The following PKHD1L1 variants were observed in gnomAD, a reference collection of about 807,000 sequenced individuals.
PKHD1L1 encodes the protein PKHD1 like 1, also known as fibrocystin-L.
In PKHD1L1, 434 loss-of-function variants were observed where a neutral mutation model predicts 462.9. The observed-to-expected ratio is 0.94, with a 90% CI of 0.87 to 1.02. The LOEUF (loss-of-function observed/expected upper bound fraction) is 1.02. Ranked by LOEUF, PKHD1L1 falls within the 50% of genes least tolerant of loss-of-function variation. The pLI, the probability that PKHD1L1 is intolerant of heterozygous loss-of-function variation, is 0.00. For missense variants in PKHD1L1, 5,202 were observed against 5,096.1 expected (o/e 1.02, Z -0.63); for synonymous variants, 1,781 against 1,750.0 (o/e 1.02, Z -0.44).
intron 76 of PKHD1L1, among the ~76,000 whole-genome samples, chr8:109,525,316 A>G (rs140243303): frequency 2.2e-4 from 33 of 152,356 alleles, no homozygotes; most frequent in Admixed American, 6.5e-4. Flanking sequence ...ACCAACCTAG[A>G]TAAGGAGAAT....
In PKHD1L1 at chr8:109,445,108, A is replaced by G. The variant is rs1816052114; in HGVS notation, c.5239A>G (p.Ile1747Val). 1.9e-6 allele frequency: 3 copies of G among 1,613,880 alleles called. No homozygotes were observed. Among genetic ancestry groups the G allele is most frequent in the Non-Finnish European group, 2.5e-6 (3 of 1,179,902 alleles). Residue 1747 changes from isoleucine to valine, a missense_variant, in exon 38 of 78, where the codon ATC becomes GTC. Physicochemically the swap from Ile to Val is conservative, Grantham distance 29. Coordinates refer to ENST00000378402, the MANE Select transcript of PKHD1L1 (RefSeq NM_177531.6). ...GNCTFSYLES[I>V]TPYITGVFPN... ...CTGCACCTTTTCATACTTAGAAAGC[A>G]TCACTCCTTACATAACAGGAGTCTT... is the stretch of plus-strand genomic sequence containing the variant.
chr8:109,492,391 C>A (rs1013024968), intron 62 of PKHD1L1, among the ~76,000 whole-genome samples: 1 of 151,766 alleles, frequency 6.6e-6, no homozygotes, highest in East Asian at 1.9e-4. Flanking sequence ...TAATTGGAAC[C>A]TTCTTGTTTC....
rs535831637 is a variant in PKHD1L1 at position 109,475,802 on chromosome 8, C to T, written c.8757+533C>T. ...GGCAGAGGTTGCAGTGAACCAAGATCGCCCCACTGTACTCCAGCCTGGGCG... is the reference window on the plus strand; with the variant it reads ...GGCAGAGGTTGCAGTGAACCAAGATTGCCCCACTGTACTCCAGCCTGGGCG... On this transcript the variant is annotated intron_variant, in intron 51 of 77. Transcript: ENST00000378402. Among the ~76,000 whole-genome samples, 169 of 149,302 alleles carry T rather than the reference C, an allele frequency of 1.1e-3. 1 individual carries two copies. In the South Asian group the frequency reaches 0.014, roughly 12 times the overall value.
Position 109,466,676 on chromosome 8 carries a change from T to C in PKHD1L1, c.8512T>C (p.Cys2838Arg), listed in dbSNP as rs1314579051. Reference sequence around the variant, plus strand: ...GAGCATTGGGTTCCCTGGATCAGTCTGTGATGCTTCAGTCAGCTTTCACCG... The same window carrying C: ...GAGCATTGGGTTCCCTGGATCAGTCCGTGATGCTTCAGTCAGCTTTCACCG... ...EWSIGFPGSVCDASVSFHRLA... is the reference protein window; with the variant it reads ...EWSIGFPGSVRDASVSFHRLA... The change falls in exon 50 of 78, where the codon TGT becomes CGT. Residue 2838 changes from cysteine to arginine, a missense_variant. Physicochemically the swap from Cys to Arg is radical, Grantham distance 180. This residue lies in a region of PKHD1L1 where 4,497 missense variants were observed against 4,336.8 expected (regional missense o/e 1.04). Coordinates refer to ENST00000378402, the MANE Select transcript of PKHD1L1 (RefSeq NM_177531.6). 1 of 1,612,222 alleles carries C rather than the reference T, an allele frequency of 6.2e-7. No individual in the cohort carries two copies. Among genetic ancestry groups the C allele is most frequent in the African/African-American group, 1.3e-5 (1 of 74,900 alleles).
intron 18 of PKHD1L1, 61 bp downstream of exon 18, chr8:109,408,267 G>A: frequency 6.9e-7 from 1 of 1,439,362 alleles, no homozygotes; most frequent in Non-Finnish European, 9.4e-7. Context: ...TCATTCATGG[G>A]CCATTTGTAG....
At chr8:109,425,323 CTACT>C in intron 24 of PKHD1L1, 91 bp downstream of exon 24, 3 of 897,944 alleles carry the variant, frequency 3.3e-6, no homozygotes, top group Non-Finnish European at 4.6e-6. Context: ...TTGAGAATTA[CTACT>C]TATTGATACA....
At chr8:109,528,226 G>GA (rs1820912460) in intron 77 of PKHD1L1, among the ~76,000 whole-genome samples, 1 of 151,916 alleles carries the variant, frequency 6.6e-6, no homozygotes, top group Non-Finnish European at 1.5e-5. Flanking sequence ...TAGGAGCAAG[G>GA]AAAAAATGGC....
intron 50 of PKHD1L1, among the ~76,000 whole-genome samples, chr8:109,474,419 T>C (rs1016968540): frequency 6.6e-6 from 1 of 152,188 alleles, no homozygotes; most frequent in Admixed American, 6.6e-5. Context: ...ACCAAAGCAT[T>C]ACTAAATTAT....
chr8:109,380,604 A>G (rs1812061589), intron 2 of PKHD1L1, among the ~76,000 whole-genome samples: 1 of 152,186 alleles, frequency 6.6e-6, no homozygotes, highest in Non-Finnish European at 1.5e-5. Context: ...ACCCTCAACC[A>G]ATGGGGACCA....
At chr8:109,454,138 G>T in intron 43 of PKHD1L1, 29 bp from the exon 44 acceptor site, 1 of 1,451,578 alleles carries the variant, frequency 6.9e-7, no homozygotes. Flanking sequence ...TTTTCCTTGT[G>T]ATGTATTTCA....
In PKHD1L1 at chr8:109,507,748, G is replaced by T. The variant is rs2130977432; in HGVS notation, c.11080G>T (p.Gly3694Trp). 6.2e-7 allele frequency: 1 copy of T among 1,613,416 alleles called. No individual in the cohort carries two copies. The highest frequency in any genetic ancestry group is 2.2e-5 in the East Asian group (1 of 44,828). The change falls in exon 69 of 78, where the codon GGG becomes TGG. Residue 3694 changes from glycine to tryptophan, a missense_variant. By Grantham distance (184) the Gly-to-Trp change is radical. Coordinates refer to ENST00000378402, the MANE Select transcript of PKHD1L1 (RefSeq NM_177531.6). The stretch of plus-strand genomic sequence containing the variant: ...TAGAGACATAGATGGCTCCTTTCTG[G>T]GGAATGCTGGTTCTGTGATACCTCA... ...FLRDIDGSFL[G>W]NAGSVIPQAE...
chr8:109,429,738 G>A (rs543210055), intron 26 of PKHD1L1, among the ~76,000 whole-genome samples, 194 bp from the exon 27 acceptor site: 3 of 152,180 alleles, frequency 2.0e-5, no homozygotes, highest in South Asian at 4.1e-4. Context: ...TAAAGATGAA[G>A]AAATTAAAGT....
At chr8:109,479,660 G>A in intron 54 of PKHD1L1, 21 bp downstream of exon 54, 2 of 1,379,514 alleles carry the variant, frequency 1.4e-6, no homozygotes, top group East Asian at 2.4e-5. Flanking sequence ...AAACACAAAT[G>A]AATGAAATGT....
intron 36 of PKHD1L1, 100 bp downstream of exon 36, chr8:109,443,216 T>C: frequency 8.8e-7 from 1 of 1,135,210 alleles, no homozygotes; most frequent in Non-Finnish European, 1.3e-6. Flanking sequence ...ACTGTGCTTC[T>C]ATCTTACTAG....
intron 9 of PKHD1L1, among the ~76,000 whole-genome samples, chr8:109,391,031 C>A (rs928445893): frequency 2.0e-5 from 3 of 152,130 alleles, no homozygotes; most frequent in Non-Finnish European, 4.4e-5. Context: ...TAAGAAAGAT[C>A]ATCATACATT....
chr8:109,440,339 A>C (rs376096089), intron 32 of PKHD1L1, among the ~76,000 whole-genome samples: 85 of 152,264 alleles, frequency 5.6e-4, no homozygotes, highest in African/African-American at 2.0e-3. Flanking sequence ...TTTAATTGCT[A>C]GTTTTAAAGC....
intron 31 of PKHD1L1, 148 bp downstream of exon 31, chr8:109,438,604 TTAATC>T (rs1815578652): frequency 1.1e-5 from 8 of 703,360 alleles, no homozygotes; most frequent in Middle Eastern, 4.2e-4. Context: ...TTATCATAGA[TTAATC>T]TATTTATTAT....
At chr8:109,503,188 A>G (rs1389247935) in intron 67 of PKHD1L1, among the ~76,000 whole-genome samples, 1 of 152,092 alleles carries the variant, frequency 6.6e-6, no homozygotes. Flanking sequence ...GGCACCTGTA[A>G]TCCCAGCTAC....
At chr8:109,399,520 T>C (rs776552983) in intron 12 of PKHD1L1, among the ~76,000 whole-genome samples, 1 of 152,174 alleles carries the variant, frequency 6.6e-6, no homozygotes, top group Non-Finnish European at 1.5e-5. Context: ...ATCCTGTTTT[T>C]GATTCTGTCC....
Sources: gnomAD v4.1 joint callset for allele counts (sites outside exome capture counted in the v4.1 genomes callset) on GRCh38, gnomAD v4.1.1 for gene constraint, gnomAD v4.1.1 regional missense constraint, MANE v1.5 for transcripts, NCBI Gene and HGNC (gene_info 2026-07-23, HGNC 2026-07-21) for gene names.